UNC45B: variants seen among roughly 807,000 people sequenced by gnomAD.
UNC45B encodes unc-45 myosin chaperone B.
UNC45B carries 78 observed loss-of-function variants against 98.7 expected under a neutral mutation model. The ratio of observed to expected loss-of-function variants is 0.79; its 90% CI spans 0.66 to 0.95. UNC45B has a LOEUF of 0.95. Among genes scored for constraint, UNC45B ranks in the 40% least tolerant of loss-of-function variants. The pLI, the probability that UNC45B is intolerant of heterozygous loss-of-function variation, is 0.00. For missense variants in UNC45B, 1,225 were observed against 1,184.9 expected (o/e 1.03, Z -0.50); for synonymous variants, 462 against 480.4 (o/e 0.96, Z 0.50).
At position 35,180,681 on chromosome 17, in the gene UNC45B, G is replaced by A. The variant is rs1193034415; in HGVS notation, c.2373+5G>A. On this transcript the variant is annotated splice_donor_5th_base_variant and intron_variant, in intron 18 of 19. Transcript: ENST00000394570. ...AACATGGTGCTCCACAAGGAGGTGA[G>A]GCAGGGGCTCAGGATGGAGACCCGG... 6.2e-7 allele frequency: 1 copy of A among 1,611,662 alleles called. No homozygotes were observed. The highest frequency in any genetic ancestry group is 8.5e-7 in the Non-Finnish European group (1 of 1,178,728).
At position 35,167,309 on chromosome 17, in the gene UNC45B, AG is replaced by A. The variant is rs371225212; in HGVS notation, c.1152-749del. On this transcript the variant is annotated intron_variant, in intron 9 of 19. Coordinates refer to ENST00000394570, the MANE Select transcript of UNC45B (RefSeq NM_001267052.2). ...TGGGGAGAGCTGTTTCACCCTTCCC[AG>A]GGAAGCCAGTATGCAAACACTCACA... is the stretch of plus-strand genomic sequence containing the variant. Among the ~76,000 whole-genome samples, 207 of 152,304 alleles carry A rather than the reference AG, an allele frequency of 1.4e-3. 2 individuals are homozygous for A. Among genetic ancestry groups the A allele is most frequent in the East Asian group, 0.011 (58 of 5,182 alleles).
chr17:35,174,408 G>A, intron 14 of UNC45B, 39 bp downstream of exon 14: 3 of 1,613,112 alleles, frequency 1.9e-6, no homozygotes, highest in Non-Finnish European at 1.7e-6. Context: ...ACTAGGGCTG[G>A]GGGCCGAGGG....
intron 12 of UNC45B, among the ~76,000 whole-genome samples, chr17:35,170,555 G>A (rs928566453): frequency 1.5e-5 from 2 of 134,342 alleles, no homozygotes; most frequent in East Asian, 4.5e-4. Flanking sequence ...AAAAAAAAAA[G>A]CAGGGCATCG....
At chr17:35,173,125 C>CTT (rs11428951) in intron 13 of UNC45B, among the ~76,000 whole-genome samples, 31,627 of 126,046 alleles carry the variant, frequency 0.25, 4,600 homozygotes, top group Middle Eastern at 0.33. Flanking sequence ...AATTTTTATA[C>CTT]TTTTTTTTTT....
In UNC45B at chr17:35,164,026, G is replaced by A; in HGVS notation, c.1011G>A (p.Gln337=). ...GLRKILKVVG[Q]VPDLPSCLPL... ...GGAAGATCCTGAAGGTTGTGGGGCA[G>A]GTTCCAGATCTGCCATCCTGCCTGC... The change falls in exon 9 of 20, where the codon CAG becomes CAA. Residue 337 remains glutamine (Q), a synonymous_variant. Coordinates refer to ENST00000394570, the MANE Select transcript of UNC45B (RefSeq NM_001267052.2). The A allele has an allele frequency of 6.2e-7, 1 of 1,613,888 alleles. No individual in the cohort carries two copies. Among genetic ancestry groups the A allele is most frequent in the Non-Finnish European group, 8.5e-7 (1 of 1,179,894 alleles).
At chr17:35,159,267 A>C in intron 7 of UNC45B, 108 bp from the exon 8 acceptor site, 6 of 1,033,068 alleles carry the variant, frequency 5.8e-6, no homozygotes, top group Non-Finnish European at 8.6e-6. Flanking sequence ...CATATTCAGG[A>C]AGTAGTGGAT....
At chr17:35,151,983 C>T (rs888575979) in intron 4 of UNC45B, among the ~76,000 whole-genome samples, 7 of 152,196 alleles carry the variant, frequency 4.6e-5, no homozygotes, top group Non-Finnish European at 8.8e-5. Context: ...CGGTGGCTCA[C>T]GCCTGTAATC....
intron 12 of UNC45B, among the ~76,000 whole-genome samples, chr17:35,170,554 AG>A (rs2092177802): frequency 2.9e-5 from 4 of 136,430 alleles, no homozygotes; most frequent in East Asian, 2.2e-4. Flanking sequence ...AAAAAAAAAA[AG>A]CAGGGCATCG....
rs1232425842 is a variant in UNC45B at position 35,180,594 on chromosome 17, T to C, written c.2291T>C (p.Ile764Thr). ...KIFKERALPDIENYMFENHDQ... is the reference protein window; with the variant it reads ...KIFKERALPDTENYMFENHDQ... ...TTTAAGGAGAGGGCCTTGCCAGACA[T>C]CGAGAACTACATGTTTGAGAATCAT... is the stretch of plus-strand genomic sequence containing the variant. The change falls in exon 18 of 20, where the codon ATC (isoleucine) becomes ACC (threonine). Residue 764 changes from isoleucine to threonine, a missense_variant. Physicochemically the swap from Ile to Thr is moderately conservative, Grantham distance 89. Coordinates refer to ENST00000394570, the MANE Select transcript of UNC45B (RefSeq NM_001267052.2). 6.2e-7 allele frequency: 1 copy of C among 1,613,704 alleles called. No individual in the cohort carries two copies. The highest frequency in any genetic ancestry group is 8.5e-7 in the Non-Finnish European group (1 of 1,179,874).
At chr17:35,183,609 G>A (rs766524377) in intron 19 of UNC45B, 27 bp downstream of exon 19, 29 of 1,478,150 alleles carry the variant, frequency 2.0e-5, no homozygotes, top group Middle Eastern at 4.0e-4. Context: ...GGGATAGGAC[G>A]GGCTGGGTGG....
rs73288986 is a variant in UNC45B at position 35,164,050 on chromosome 17, G to A, written c.1035G>A (p.Leu345=). ...AGGTTCCAGATCTGCCATCCTGCCTGCCCCTGACTGACAACACCCGCATGC... is the reference window on the plus strand; with the variant it reads ...AGGTTCCAGATCTGCCATCCTGCCTACCCCTGACTGACAACACCCGCATGC... ...VGQVPDLPSC[L]PLTDNTRMLA... The change falls in exon 9 of 20, where the codon CTG becomes CTA. Residue 345 remains leucine, a synonymous_variant. Coordinates refer to ENST00000394570, the MANE Select transcript of UNC45B (RefSeq NM_001267052.2). The A allele has an allele frequency of 1.0e-3, 1,692 of 1,613,964 alleles. 12 individuals carry two copies. The African/African-American group carries it at 0.02, about 19-fold the overall frequency.
Position 35,177,001 on chromosome 17 carries a change from T to C in UNC45B, c.2026-16T>C. On this transcript the variant is annotated splice_polypyrimidine_tract_variant and intron_variant, in intron 15 of 19. Transcript: ENST00000394570. Reference sequence around the variant, plus strand: ...GGATGTCTGTGACTAAGTAGTGACCTTGCCCTTTCTTGCAGGCCCTGATTC... The same window carrying C: ...GGATGTCTGTGACTAAGTAGTGACCCTGCCCTTTCTTGCAGGCCCTGATTC... The C allele has an allele frequency of 1.2e-6, 2 of 1,606,978 alleles. No homozygotes were observed. Among genetic ancestry groups the C allele is most frequent in the Non-Finnish European group, 1.7e-6 (2 of 1,173,830 alleles).
chr17:35,186,687 A>C lies in UNC45B; in HGVS notation c.*128A>C. ...ACAATGAAGTCTCAATATAAAGGAA[A>C]GACTTGATTGTTCTCTGAGTTGTGA... On this transcript the variant is annotated 3_prime_UTR_variant, in exon 20 of 20. Coordinates refer to ENST00000394570, the MANE Select transcript of UNC45B (RefSeq NM_001267052.2). The C allele has an allele frequency of 9.0e-7, 1 of 1,108,358 alleles. No homozygotes were observed. Among genetic ancestry groups the C allele is most frequent in the South Asian group, 1.6e-5 (1 of 60,754 alleles). 68.7% of individuals were successfully genotyped at this position (1,108,358 alleles called of 1,614,324 possible). A position where few individuals can be genotyped will look rare whatever the true frequency, so the allele number is the denominator to read the frequency against.
intron 10 of UNC45B, among the ~76,000 whole-genome samples, chr17:35,168,799 C>T (rs1400375863): frequency 6.6e-6 from 1 of 151,994 alleles, no homozygotes; most frequent in Non-Finnish European, 1.5e-5. Flanking sequence ...CTCCGCCTCC[C>T]AGGTTCAGGT....
chr17:35,185,089 G>A (rs2092295652), intron 19 of UNC45B, among the ~76,000 whole-genome samples: 1 of 152,156 alleles, frequency 6.6e-6, no homozygotes, highest in African/African-American at 2.4e-5. Flanking sequence ...ACAGCTAGCT[G>A]AGCTTTCATG....
intron 17 of UNC45B, 72 bp from the exon 18 acceptor site, chr17:35,180,487 G>C: frequency 8.4e-7 from 1 of 1,188,466 alleles, no homozygotes; most frequent in Non-Finnish European, 1.2e-6. Flanking sequence ...AATGGTCCCT[G>C]GGTGGCCAGA....
At chr17:35,163,918 A>AG in intron 8 of UNC45B, 77 bp from the exon 9 acceptor site, 2 of 1,442,238 alleles carry the variant, frequency 1.4e-6, no homozygotes, top group South Asian at 2.8e-5. Context: ...GCTGATGATA[A>AG]CAAGTCACTG....
rs1460851152 is a variant in UNC45B at position 35,187,879 on chromosome 17, G to T, written c.*1320G>T. 4 of 152,180 alleles carry T rather than the reference G, an allele frequency of 2.6e-5. No individual in the cohort carries two copies. The highest frequency in any genetic ancestry group is 6.5e-5 in the Admixed American group (1 of 15,272). 9.4% of individuals were successfully genotyped at this position (152,180 alleles called of 1,614,324 possible). A position where few individuals can be genotyped will look rare whatever the true frequency, so the allele number is the denominator to read the frequency against. ...CAATTCTACCTACGTTTATTGAAGG[G>T]TCAACAGTTCTGATCTCAGCATTGG... On this transcript the variant is annotated 3_prime_UTR_variant, in exon 20 of 20. Coordinates refer to ENST00000394570, the MANE Select transcript of UNC45B (RefSeq NM_001267052.2).
At position 35,169,996 on chromosome 17, in the gene UNC45B, G is replaced by T. The variant is rs993222816; in HGVS notation, c.1547+65G>T. On this transcript the variant is annotated intron_variant, in intron 11 of 19. Coordinates refer to ENST00000394570, the MANE Select transcript of UNC45B (RefSeq NM_001267052.2). ...GCGCCTTCCGGGCAAGAGTCTCTGGGGTGTGCTCTAGTGGAGTGTGAAAGG... is the reference window on the plus strand; with the variant it reads ...GCGCCTTCCGGGCAAGAGTCTCTGGTGTGTGCTCTAGTGGAGTGTGAAAGG... 6 of 1,611,546 alleles carry T rather than the reference G, an allele frequency of 3.7e-6. No individual in the cohort carries two copies. In the African/African-American group the frequency reaches 6.7e-5, roughly 18 times the overall value.
Sources: gnomAD v4.1 joint callset for allele counts (sites outside exome capture counted in the v4.1 genomes callset) on GRCh38, gnomAD v4.1.1 for gene constraint, MANE v1.5 for transcripts, NCBI Gene and HGNC (gene_info 2026-07-23, HGNC 2026-07-21) for gene names.